The following ITSN1 variants were observed in gnomAD, a reference collection of about 807,000 sequenced individuals.
The protein encoded by ITSN1 is intersectin 1, also known as intersectin-1.
A neutral mutation model predicts 239.8 loss-of-function variants in ITSN1; 58 were observed. That is an observed-to-expected ratio of 0.24 (90% CI 0.20 to 0.30). ITSN1 has a LOEUF of 0.30. Ranked by LOEUF, ITSN1 falls within the 10% of genes least tolerant of loss-of-function variation. ITSN1 has a pLI of 1.00. For missense variants in ITSN1, 1,558 were observed against 2,103.3 expected (o/e 0.74, Z 5.07); for synonymous variants, 780 against 770.8 (o/e 1.01, Z -0.20).
At chr21:33,875,239 G>A (rs1019116399) in intron 33 of ITSN1, 115 bp from the exon 34 acceptor site, 15 of 1,108,718 alleles carry the variant, frequency 1.4e-5, no homozygotes, top group Middle Eastern at 2.7e-4. Context: ...TCAAGTGGGC[G>A]CCGTCCATGA....
chr21:33,716,563 A>T (rs1417543633), intron 1 of ITSN1: 1 of 152,214 alleles, frequency 6.6e-6, no homozygotes, highest in Non-Finnish European at 1.5e-5. Flanking sequence ...AAGGTAACTC[A>T]ATATACCTGA....
At chr21:33,824,061 G>T (rs2073841708) in intron 25 of ITSN1, among the ~76,000 whole-genome samples, 1 of 152,160 alleles carries the variant, frequency 6.6e-6, no homozygotes, top group Non-Finnish European at 1.5e-5. Flanking sequence ...GGTGATAATC[G>T]CCCCAGAATA....
chr21:33,733,066 TA>T (rs2147236448), intron 4 of ITSN1, among the ~76,000 whole-genome samples: 1 of 152,078 alleles, frequency 6.6e-6, no homozygotes, highest in South Asian at 2.1e-4. Flanking sequence ...GTATAACAGA[TA>T]AAATAATCTA....
chr21:33,755,161 G>C, intron 7 of ITSN1, 136 bp from the exon 8 acceptor site: 1 of 499,286 alleles, frequency 2.0e-6, no homozygotes, highest in Non-Finnish European at 3.5e-6. Context: ...ATCAGAAGTA[G>C]TGATAATAAA....
chr21:33,662,232 G>T (rs935061603), intron 1 of ITSN1, among the ~76,000 whole-genome samples: 20 of 151,956 alleles, frequency 1.3e-4, no homozygotes, highest in Non-Finnish European at 2.5e-4. Flanking sequence ...TGTTACTGAA[G>T]TGAAAATACC....
At chr21:33,716,749 C>G (rs761629201) in intron 1 of ITSN1, among the ~76,000 whole-genome samples, 7 of 150,848 alleles carry the variant, frequency 4.6e-5, no homozygotes, top group Non-Finnish European at 8.9e-5. Context: ...GTCAGGAGTT[C>G]GAGACCAGCC....
chr21:33,755,174 G>T, intron 7 of ITSN1, 123 bp from the exon 8 acceptor site: 1 of 507,464 alleles, frequency 2.0e-6, no homozygotes, highest in Non-Finnish European at 3.5e-6. Context: ...ATAATAAAAT[G>T]AATAAAATAT....
At chr21:33,651,614 A>G (rs1337906563) in intron 1 of ITSN1, among the ~76,000 whole-genome samples, 1 of 152,260 alleles carries the variant, frequency 6.6e-6, no homozygotes, top group Non-Finnish European at 1.5e-5. Flanking sequence ...TTTATAAACA[A>G]ATTAATTGAG....
At chr21:33,880,333 C>A (rs1319903374) in intron 34 of ITSN1, among the ~76,000 whole-genome samples, 2 of 152,186 alleles carry the variant, frequency 1.3e-5, no homozygotes, top group African/African-American at 2.4e-5. Flanking sequence ...ACCTTTATGT[C>A]ATTGGATCCA....
chr21:33,673,879 CTA>C (rs1202846830), intron 1 of ITSN1, among the ~76,000 whole-genome samples: 1 of 152,206 alleles, frequency 6.6e-6, no homozygotes, highest in African/African-American at 2.4e-5. Context: ...AGGTAAACAA[CTA>C]TGTTAATTAT....
At chr21:33,787,397 T>C (rs2070758169) in intron 16 of ITSN1, among the ~76,000 whole-genome samples, 2 of 152,246 alleles carry the variant, frequency 1.3e-5, no homozygotes, top group Non-Finnish European at 2.9e-5. Flanking sequence ...TTAGTATACT[T>C]GGGAAATCCA....
intron 1 of ITSN1, among the ~76,000 whole-genome samples, chr21:33,707,726 AG>A (rs2092296093): frequency 6.6e-6 from 1 of 152,156 alleles, no homozygotes; most frequent in South Asian, 2.1e-4. Context: ...CCTGTGTAAC[AG>A]TTGGTTACTT....
intron 36 of ITSN1, among the ~76,000 whole-genome samples, chr21:33,884,787 A>G (rs553391874): frequency 6.6e-6 from 1 of 152,348 alleles, no homozygotes; most frequent in Admixed American, 6.5e-5. Flanking sequence ...GACAGCATCT[A>G]TCACAGATTT....
intron 2 of ITSN1, among the ~76,000 whole-genome samples, chr21:33,720,350 T>C (rs1190420842): frequency 2.0e-5 from 3 of 152,268 alleles, no homozygotes; most frequent in African/African-American, 7.2e-5. Context: ...ATACGTATTG[T>C]GTATTCCCAG....
chr21:33,665,709 A>G (rs1222317819), intron 1 of ITSN1, among the ~76,000 whole-genome samples: 1 of 152,224 alleles, frequency 6.6e-6, no homozygotes, highest in Non-Finnish European at 1.5e-5. Flanking sequence ...TACCATAGCC[A>G]AAAGGTGGAA....
intron 29 of ITSN1, among the ~76,000 whole-genome samples, chr21:33,840,110 G>A (rs897061446): frequency 4.6e-5 from 7 of 152,116 alleles, no homozygotes; most frequent in Admixed American, 6.5e-5. Flanking sequence ...AGCATCAAAC[G>A]TATCTCAGAA....
intron 1 of ITSN1, among the ~76,000 whole-genome samples, chr21:33,677,554 G>C (rs1344663806): frequency 1.3e-5 from 2 of 151,988 alleles, no homozygotes; most frequent in African/African-American, 4.8e-5. Flanking sequence ...TGGCCAGGCT[G>C]GTCCCAAACA....
chr21:33,787,252 GT>G (rs2070749230), intron 16 of ITSN1, among the ~76,000 whole-genome samples: 1 of 152,182 alleles, frequency 6.6e-6, no homozygotes, highest in African/African-American at 2.4e-5. Flanking sequence ...GCGCTCAGTT[GT>G]TATTTGGGTC....
intron 1 of ITSN1, among the ~76,000 whole-genome samples, chr21:33,656,063 G>A (rs1443129451): frequency 6.6e-6 from 1 of 152,102 alleles, no homozygotes; most frequent in African/African-American, 2.4e-5. Context: ...AGTGGAAGAA[G>A]CACAGCATTG....
Sources: allele counts gnomAD v4.1 joint callset (sites outside exome capture counted in the v4.1 genomes callset), GRCh38; gene constraint gnomAD v4.1.1; transcripts MANE v1.5; gene names NCBI Gene and HGNC (gene_info 2026-07-23, HGNC 2026-07-21).